The following MKKS variants were observed in gnomAD, a reference collection of about 807,000 sequenced individuals.
MKKS encodes molecular chaperone MKKS.
Under a neutral mutation model 33.2 loss-of-function variants are expected in MKKS, and 29 were observed. The observed-to-expected ratio is 0.87, with a 90% CI of 0.65 to 1.19. The LOEUF (loss-of-function observed/expected upper bound fraction) is 1.19. MKKS is among the 50% of genes most tolerant of loss of function. The probability of loss-of-function intolerance (pLI) is 0.00; values close to 1 mark genes in which losing one functional copy is unlikely to be tolerated. For missense variants in MKKS, 661 were observed against 662.3 expected (o/e 1.00, Z 0.02); for synonymous variants, 260 against 244.0 (o/e 1.07, Z -0.61).
At chr20:10,408,844 A>C in intron 3 of MKKS, 41 bp from the exon 4 acceptor site, 2 of 1,480,578 alleles carry the variant, frequency 1.4e-6, no homozygotes, top group Non-Finnish European at 1.9e-6. Context: ...GTATAAGCAA[A>C]AGTGGAGCAA....
chr20:10,433,836 C>A (rs36224659), intron 1 of MKKS, among the ~76,000 whole-genome samples: 7 of 152,076 alleles, frequency 4.6e-5, no homozygotes, highest in Non-Finnish European at 8.8e-5. Flanking sequence ...CGTGGTGAGG[C>A]GCCACTCCTC....
At chr20:10,433,410 G>A (rs2065069509) in intron 1 of MKKS, among the ~76,000 whole-genome samples, 3 of 152,194 alleles carry the variant, frequency 2.0e-5, no homozygotes, top group Admixed American at 6.5e-5. Flanking sequence ...AGTCAGGACC[G>A]TGCAAGTCCC....
At chr20:10,410,563 G>A (rs558841796) in intron 3 of MKKS, among the ~76,000 whole-genome samples, 1 of 152,288 alleles carries the variant, frequency 6.6e-6, no homozygotes, top group South Asian at 2.1e-4. Flanking sequence ...AGGAGGCAGA[G>A]GTTGCAGTGA....
rs985977180 is a variant in MKKS, at chr20:10,405,601, G to A, written c.1359C>T (p.Ala453=). The part of the protein sequence containing the change: ...LQLIAEAFCS[A]LESVVGSLEH... ...CTAAAGAGCCAACAACAGATTCTAG[G>A]GCACTGCAAAATGCTTCAGCAATTA... Residue 453 remains alanine (A), a synonymous_variant, in exon 6 of 6, where the codon GCC becomes GCT. Transcript: ENST00000347364. The A allele has an allele frequency of 6.2e-7, 1 of 1,613,970 alleles. No individual in the cohort carries two copies. Among genetic ancestry groups the A allele is most frequent in the African/African-American group, 1.3e-5 (1 of 74,892 alleles).
In MKKS at chr20:10,418,035, A is replaced by C. The variant is rs188896281; in HGVS notation, c.-418+2493T>G. Among the ~76,000 whole-genome samples the C allele has an allele frequency of 1.2e-4, 18 of 152,354 alleles. No individual in the cohort carries two copies. In the East Asian group the frequency reaches 3.3e-3, roughly 28 times the overall value. ...CCACCTGAAAAGATTTTTTATAGAC[A>C]AATTCAGAAATATAAACATGGCCTT... On this transcript the variant is annotated intron_variant, in intron 2 of 5. Coordinates refer to ENST00000347364, the MANE Select transcript of MKKS (RefSeq NM_170784.3).
intron 3 of MKKS, among the ~76,000 whole-genome samples, chr20:10,410,668 A>T (rs1489807937): frequency 1.3e-5 from 2 of 152,172 alleles, no homozygotes; most frequent in Non-Finnish European, 2.9e-5. Flanking sequence ...TATGCTTCAC[A>T]TGTGGCACCC....
In MKKS at chr20:10,419,775, G is replaced by A. The variant is rs548238169; in HGVS notation, c.-418+753C>T. Among the ~76,000 whole-genome samples, 9 of 152,264 alleles carry A rather than the reference G, an allele frequency of 5.9e-5. No homozygotes were observed. The South Asian group carries it at 1.9e-3, about 32-fold the overall frequency. On this transcript the variant is annotated intron_variant, in intron 2 of 5. Coordinates refer to ENST00000347364, the MANE Select transcript of MKKS (RefSeq NM_170784.3). ...CAAGGGAATGACTCACATCCTGCGT[G>A]GATGAAGTAGAATATCCCAGGATTT...
intron 3 of MKKS, 32 bp downstream of exon 3, chr20:10,412,498 T>G (rs1179871130): frequency 1.9e-6 from 3 of 1,608,096 alleles, no homozygotes; most frequent in East Asian, 4.5e-5. Context: ...ATTTATTAAC[T>G]GTAAGAGGCA....
intron 1 of MKKS, among the ~76,000 whole-genome samples, chr20:10,422,795 TC>T (rs751588373): frequency 8.6e-5 from 13 of 151,554 alleles, no homozygotes; most frequent in Non-Finnish European, 1.9e-4. Context: ...CACTGCAAGC[TC>T]CGCCTCCCAG....
At chr20:10,427,029 G>GACTGAC (rs2065019066) in intron 1 of MKKS, among the ~76,000 whole-genome samples, 1 of 130,724 alleles carries the variant, frequency 7.6e-6, no homozygotes, top group African/African-American at 3.1e-5. Context: ...AGAAAACACT[G>GACTGAC]ACACACACAC....
chr20:10,428,458 T>TA (rs1341468951), intron 1 of MKKS, among the ~76,000 whole-genome samples: 1 of 152,222 alleles, frequency 6.6e-6, no homozygotes, highest in African/African-American at 2.4e-5. Context: ...TTTCTGCAGA[T>TA]AACCTATTGG....
intron 1 of MKKS, among the ~76,000 whole-genome samples, chr20:10,426,644 C>G (rs1393086108): frequency 6.6e-6 from 1 of 152,136 alleles, no homozygotes; most frequent in African/African-American, 2.4e-5. Context: ...GTGATATGTC[C>G]GCCTCAGCCT....
rs1250763330 is a variant in MKKS at position 10,413,451 on chromosome 20, C to T, written c.64G>A (p.Val22Ile). ...CKSEPLTTER[V>I]RTTLSVLKRI... is the part of the protein sequence containing the mutation. ...TTCAAGACAGAAAGTGTGGTCCTGA[C>T]TCTCTCAGTTGTCAGTGGTTCACTC... Residue 22 changes from valine to isoleucine, a missense_variant, in exon 3 of 6, where the codon GTC (valine) becomes ATC (isoleucine). Coordinates refer to ENST00000347364, the MANE Select transcript of MKKS (RefSeq NM_170784.3). 3 of 1,613,884 alleles carry T rather than the reference C, an allele frequency of 1.9e-6. No individual in the cohort carries two copies. Among genetic ancestry groups the T allele is most frequent in the African/African-American group, 2.7e-5 (2 of 74,924 alleles).
Position 10,426,008 on chromosome 20 carries a change from GA to G in MKKS, c.-648-5251del, listed in dbSNP as rs1268976396. On this transcript the variant is annotated intron_variant, in intron 1 of 5. Transcript: ENST00000347364. ...ACTAAAATGTCTTTTGTTAAGTTTA[GA>G]AAAAGTTTAGAGGCAATCTTAATGT... 2.0e-5 allele frequency among the ~76,000 whole-genome samples: 3 copies of G among 152,290 alleles called. No individual in the cohort carries two copies. The East Asian group carries it at 5.8e-4, about 29-fold the overall frequency.
chr20:10,431,513 C>T (rs1171876974), intron 1 of MKKS, among the ~76,000 whole-genome samples: 1 of 148,128 alleles, frequency 6.8e-6, no homozygotes, highest in African/African-American at 2.6e-5. Context: ...TAACTCAATG[C>T]TGTATAGGGT....
chr20:10,412,332 A>G (rs1234269628), intron 3 of MKKS, among the ~76,000 whole-genome samples, 198 bp downstream of exon 3: 1 of 152,224 alleles, frequency 6.6e-6, no homozygotes, highest in Non-Finnish European at 1.5e-5. Context: ...AAATACATAG[A>G]AAATGGCTAT....
Position 10,403,456 on chromosome 20 carries a change from G to C in MKKS, c.*1791C>G, listed in dbSNP as rs981314094. 1 of 151,918 alleles carries C rather than the reference G, an allele frequency of 6.6e-6. No individual in the cohort carries two copies. The highest frequency in any genetic ancestry group is 1.5e-5 in the Non-Finnish European group (1 of 68,008). The allele number at this position is 151,918 out of a possible 1,614,324, so 9.4% of individuals were successfully genotyped here. A position where few individuals can be genotyped will look rare whatever the true frequency, so the allele number is the denominator to read the frequency against. On this transcript the variant is annotated 3_prime_UTR_variant, in exon 6 of 6. Transcript: ENST00000347364. ...CATTACAACATCAGCTCAAAGTTCA[G>C]AATCTCATAATTGGAATCAAGTCAG...
rs2064833407 is a variant in MKKS, at chr20:10,405,275, A to G, written c.1685T>C (p.Leu562Pro). 6 of 1,613,204 alleles carry G rather than the reference A, an allele frequency of 3.7e-6. No homozygotes were observed. The highest frequency in any genetic ancestry group is 5.1e-6 in the Non-Finnish European group (6 of 1,179,574). Residue 562 changes from leucine (L) to proline (P), a missense_variant, in exon 6 of 6, where the codon CTT (leucine) becomes CCT (proline). Transcript: ENST00000347364. ...GTTTTTATCTTCAATAACATATGAAAGATCCAAAATCAAATTGGCTGTCTC... is the reference window on the plus strand; with the variant it reads ...GTTTTTATCTTCAATAACATATGAAGGATCCAAAATCAAATTGGCTGTCTC... ...AVETANLILD[L>P]SYVIEDKN
intron 2 of MKKS, among the ~76,000 whole-genome samples, chr20:10,414,833 T>C (rs1401601551): frequency 2.0e-5 from 3 of 152,200 alleles, no homozygotes; most frequent in Non-Finnish European, 4.4e-5. Context: ...TTTAAACACC[T>C]GGCTAAAGTC....
Sources: gnomAD v4.1 joint callset for allele counts (sites outside exome capture counted in the v4.1 genomes callset) on GRCh38, gnomAD v4.1.1 for gene constraint, MANE v1.5 for transcripts, NCBI Gene and HGNC (gene_info 2026-07-23, HGNC 2026-07-21) for gene names.